Variants in PDE4D observed in about 807,000 individuals in gnomAD.
PDE4D encodes the protein phosphodiesterase 4D.
In PDE4D, 24 loss-of-function variants were observed where a neutral mutation model predicts 87.4. That is an observed-to-expected ratio of 0.27 (90% CI 0.20 to 0.39). The LOEUF (loss-of-function observed/expected upper bound fraction) is 0.39, where lower values mean the gene tolerates loss of function less well. PDE4D is among the 10% of genes least tolerant of loss of function. The pLI is 1.00. For missense variants in PDE4D, 714 were observed against 1,041.0 expected (o/e 0.69, Z 4.32); for synonymous variants, 384 against 383.2 (o/e 1.00, Z -0.02).
intron 1 of PDE4D, among the ~76,000 whole-genome samples, chr5:60,367,783 C>G (rs535141184): frequency 3.9e-5 from 6 of 152,006 alleles, no homozygotes; most frequent in African/African-American, 1.5e-4. Flanking sequence ...TTTCTGAGCC[C>G]ATCAGAAGGA....
At chr5:59,869,603 A>G (rs751014614) in intron 1 of PDE4D, among the ~76,000 whole-genome samples, 5 of 152,158 alleles carry the variant, frequency 3.3e-5, no homozygotes, top group Non-Finnish European at 5.9e-5. Flanking sequence ...TACCGGATGC[A>G]AGATGAGGTG....
chr5:59,672,127 A>G (rs1580318065), intron 1 of PDE4D, among the ~76,000 whole-genome samples: 1 of 152,180 alleles, frequency 6.6e-6, no homozygotes, highest in Non-Finnish European at 1.5e-5. Context: ...GCAGAACCTC[A>G]TTTCTGCCAG....
intron 6 of PDE4D, among the ~76,000 whole-genome samples, chr5:59,022,522 T>C (rs1755386669): frequency 6.6e-6 from 1 of 152,190 alleles, no homozygotes; most frequent in South Asian, 2.1e-4. Flanking sequence ...ACACCTTCCG[T>C]GAGTTTATCC....
chr5:59,793,353 T>C (rs2152651555), intron 1 of PDE4D, among the ~76,000 whole-genome samples: 1 of 152,366 alleles, frequency 6.6e-6, no homozygotes, highest in African/African-American at 2.4e-5. Flanking sequence ...TCATATGATT[T>C]GTTTATTTCA....
intron 1 of PDE4D, among the ~76,000 whole-genome samples, chr5:60,301,145 C>T: frequency 6.6e-6 from 1 of 152,160 alleles, no homozygotes. Flanking sequence ...AGTCAGGTAG[C>T]ATGATGCCTC....
intron 1 of PDE4D, among the ~76,000 whole-genome samples, chr5:59,885,997 C>A (rs983514247): frequency 6.6e-6 from 1 of 152,100 alleles, no homozygotes; most frequent in Non-Finnish European, 1.5e-5. Context: ...GTAAAATAAT[C>A]ACTAACTCTG....
At chr5:59,944,452 A>G (rs1757520230) in intron 3 of PDE4D, among the ~76,000 whole-genome samples, 1 of 152,136 alleles carries the variant, frequency 6.6e-6, no homozygotes, top group African/African-American at 2.4e-5. Flanking sequence ...GGCTAACTGC[A>G]AGCTCCGCCT....
intron 1 of PDE4D, among the ~76,000 whole-genome samples, chr5:59,395,191 C>T (rs1423694593): frequency 6.6e-6 from 1 of 151,960 alleles, no homozygotes; most frequent in Non-Finnish European, 1.5e-5. Context: ...CTTAGGTAAA[C>T]AAAGCAGCCG....
chr5:59,518,858 A>G (rs1811668784), intron 1 of PDE4D, among the ~76,000 whole-genome samples: 1 of 152,244 alleles, frequency 6.6e-6, no homozygotes, highest in African/African-American at 2.4e-5. Context: ...TTATATCACA[A>G]CTATAAATGG....
At chr5:59,282,551 G>A (rs1766028428) in intron 1 of PDE4D, among the ~76,000 whole-genome samples, 1 of 148,964 alleles carries the variant, frequency 6.7e-6, no homozygotes, top group Non-Finnish European at 1.5e-5. Context: ...GCTGAGGCAG[G>A]AGAATTGCTT....
chr5:60,179,437 T>C (rs546374942), intron 2 of PDE4D, among the ~76,000 whole-genome samples: 77 of 152,302 alleles, frequency 5.1e-4, no homozygotes, highest in Non-Finnish European at 7.2e-4. Context: ...CAATTGATTA[T>C]TGTATAGCAT....
intron 2 of PDE4D, among the ~76,000 whole-genome samples, chr5:60,031,523 C>G (rs1256966933): frequency 6.6e-6 from 1 of 152,158 alleles, no homozygotes; most frequent in Non-Finnish European, 1.5e-5. Context: ...GGGATAATTT[C>G]CATGTATAGC....
intron 2 of PDE4D, among the ~76,000 whole-genome samples, chr5:60,017,807 T>C (rs1023714755): frequency 4.6e-5 from 7 of 152,218 alleles, no homozygotes; most frequent in African/African-American, 1.4e-4. Flanking sequence ...TTTGGGCATA[T>C]ACCCAGTAAT....
chr5:58,981,747 G>A lies in PDE4D; in HGVS notation c.1553-4402C>T, dbSNP rs192788464. Among the ~76,000 whole-genome samples, 15 of 152,178 alleles carry A rather than the reference G, an allele frequency of 9.9e-5. 1 individual carries two copies. The East Asian group carries it at 2.1e-3, about 22-fold the overall frequency. On this transcript the variant is annotated intron_variant, in intron 11 of 14. Transcript: ENST00000340635. ...CTGGTCATGATTCTTTACCTGGTGG[G>A]GTGACCGAAACCTTCATTCGTGAAG...
chr5:59,452,247 A>T (rs1448729418), intron 1 of PDE4D, among the ~76,000 whole-genome samples: 1 of 152,184 alleles, frequency 6.6e-6, no homozygotes, highest in African/African-American at 2.4e-5. Flanking sequence ...TTACTTTCTC[A>T]GTAAACCTTC....
At chr5:60,511,634 T>C (rs1750578134) in intron 1 of PDE4D, among the ~76,000 whole-genome samples, 1 of 151,754 alleles carries the variant, frequency 6.6e-6, no homozygotes, top group African/African-American at 2.4e-5. Flanking sequence ...TTATGGACCC[T>C]GTGTTACAGA....
chr5:59,282,628 A>T (rs1766048380), intron 1 of PDE4D, among the ~76,000 whole-genome samples: 1 of 129,724 alleles, frequency 7.7e-6, no homozygotes. Flanking sequence ...GGGCGACAAG[A>T]GTGAAACTCC....
intron 1 of PDE4D, among the ~76,000 whole-genome samples, chr5:59,294,400 C>T (rs1298011908): frequency 6.6e-6 from 1 of 152,100 alleles, no homozygotes; most frequent in African/African-American, 2.4e-5. Context: ...CAAATGGTGA[C>T]ATAATGTAAC....
At chr5:60,222,727 A>G (rs1433991514) in intron 1 of PDE4D, among the ~76,000 whole-genome samples, 2 of 152,084 alleles carry the variant, frequency 1.3e-5, no homozygotes, top group Admixed American at 1.3e-4. Context: ...CTCTCTGATG[A>G]CTAATAAAAG....
Sources: allele counts gnomAD v4.1 joint callset (sites outside exome capture counted in the v4.1 genomes callset), GRCh38; gene constraint gnomAD v4.1.1; transcripts MANE v1.5; gene names NCBI Gene and HGNC (gene_info 2026-07-23, HGNC 2026-07-21).